Variants in PSMB7 observed in about 807,000 individuals in gnomAD.
PSMB7 encodes the protein proteasome 20S subunit beta 7.
A neutral mutation model predicts 28.1 loss-of-function variants in PSMB7; 5 were observed. The observed-to-expected ratio is 0.18, with a 90% CI of 0.09 to 0.37. The LOEUF (loss-of-function observed/expected upper bound fraction) is 0.37, where lower values mean the gene tolerates loss of function less well. Ranked by LOEUF, PSMB7 falls within the 10% of genes least tolerant of loss-of-function variation. The pLI is 1.00. For synonymous variants in PSMB7, 122 were observed against 123.7 expected (o/e 0.99, Z 0.09); for missense variants, 275 against 346.2 (o/e 0.79, Z 1.63).
intron 5 of PSMB7, among the ~76,000 whole-genome samples, chr9:124,397,764 C>CCA (rs1236704133): frequency 6.6e-6 from 1 of 152,218 alleles, no homozygotes; most frequent in African/African-American, 2.4e-5. Context: ...AGCCTTGATT[C>CCA]CACAGTGAAT....
intron 2 of PSMB7, 130 bp from the exon 3 acceptor site, chr9:124,414,135 A>C: frequency 5.2e-5 from 30 of 575,506 alleles, no homozygotes; most frequent in Middle Eastern, 4.5e-4. Flanking sequence ...GCCAAAACTC[A>C]TAGCAAAAAT....
chr9:124,414,347 TTTTAAAACATGTTGCTTTTC>T (rs1325753280), intron 2 of PSMB7, among the ~76,000 whole-genome samples: 4 of 152,214 alleles, frequency 2.6e-5, no homozygotes, highest in Admixed American at 2.6e-4. Flanking sequence ...ATCAATTTCC[TTTTAAAACATGTTGCTTTTC>T]TTTAAAACAT....
chr9:124,370,924 T>C (rs10986326), intron 6 of PSMB7, among the ~76,000 whole-genome samples: 10,339 of 152,320 alleles, frequency 0.068, 969 homozygotes, highest in East Asian at 0.46. Flanking sequence ...GAAAAATCTT[T>C]GCTAAAATTC....
chr9:124,411,675 G>C (rs1831028855), intron 4 of PSMB7, among the ~76,000 whole-genome samples: 1 of 152,170 alleles, frequency 6.6e-6, no homozygotes, highest in Non-Finnish European at 1.5e-5. Flanking sequence ...ATTATTAAAG[G>C]AGAAAGAGAA....
chr9:124,368,831 T>G (rs1830533875), intron 6 of PSMB7, among the ~76,000 whole-genome samples: 1 of 152,172 alleles, frequency 6.6e-6, no homozygotes, highest in South Asian at 2.1e-4. Context: ...CTTCAGGCCA[T>G]TTCATGAGAG....
intron 6 of PSMB7, among the ~76,000 whole-genome samples, chr9:124,365,525 A>G (rs780921231): frequency 1.3e-5 from 2 of 152,244 alleles, no homozygotes; most frequent in African/African-American, 2.4e-5. Flanking sequence ...AGCAGCAGGA[A>G]GACACAAAAA....
chr9:124,384,516 G>T (rs1256694587), intron 6 of PSMB7, 82 bp downstream of exon 6: 2 of 1,298,028 alleles, frequency 1.5e-6, no homozygotes, highest in Non-Finnish European at 2.2e-6. Context: ...AGCTCGGGAG[G>T]AATCAGCAAT....
In PSMB7 at chr9:124,414,011, A is replaced by T. The variant is rs79494574; in HGVS notation, c.157-6T>A. ...GCTCCAAGAACTATGCCATCCTATTAAAAAAAAAAGTTTTTAAACAATTTT... is the reference window on the plus strand; with the variant it reads ...GCTCCAAGAACTATGCCATCCTATTTAAAAAAAAAGTTTTTAAACAATTTT... On this transcript the variant is annotated splice_region_variant and splice_polypyrimidine_tract_variant and intron_variant, in intron 2 of 7. Transcript: ENST00000259457. The T allele has an allele frequency of 3.7e-6, 5 of 1,344,626 alleles. No individual in the cohort carries two copies. Among genetic ancestry groups the T allele is most frequent in the East Asian group, 2.6e-5 (1 of 38,840 alleles). 83.3% of individuals were successfully genotyped at this position (1,344,626 alleles called of 1,614,324 possible). A position where few individuals can be genotyped will look rare whatever the true frequency, so the allele number is the denominator to read the frequency against.
chr9:124,361,203 G>A (rs373706119), intron 6 of PSMB7, among the ~76,000 whole-genome samples: 1 of 152,198 alleles, frequency 6.6e-6, no homozygotes, highest in African/African-American at 2.4e-5. Flanking sequence ...TCTTAAATGA[G>A]ATTACAATAA....
chr9:124,372,635 A>C (rs1487578483), intron 6 of PSMB7, among the ~76,000 whole-genome samples: 2 of 152,210 alleles, frequency 1.3e-5, no homozygotes, highest in South Asian at 2.1e-4. Context: ...ACACTTTCTA[A>C]AATTTCCTTC....
At chr9:124,403,886 ATTTTT>A (rs35168987) in intron 5 of PSMB7, among the ~76,000 whole-genome samples, 1 of 138,238 alleles carries the variant, frequency 7.2e-6, no homozygotes, top group Non-Finnish European at 1.6e-5. Flanking sequence ...CTGTCCTGAC[ATTTTT>A]TTTTTTTTTT....
At chr9:124,406,758 C>A (rs1240326709) in intron 4 of PSMB7, among the ~76,000 whole-genome samples, 1 of 152,236 alleles carries the variant, frequency 6.6e-6, no homozygotes, top group South Asian at 2.1e-4. Context: ...CCACCCACAC[C>A]ATCTCCACTT....
At chr9:124,360,175 CT>C (rs1310248536) in intron 6 of PSMB7, among the ~76,000 whole-genome samples, 1 of 152,230 alleles carries the variant, frequency 6.6e-6, no homozygotes. Context: ...AATTAAACAA[CT>C]TTTGTCTTTA....
intron 5 of PSMB7, among the ~76,000 whole-genome samples, chr9:124,396,602 T>A (rs1220791971): frequency 6.6e-6 from 1 of 152,216 alleles, no homozygotes; most frequent in Admixed American, 6.5e-5. Context: ...ACCCCAAGTC[T>A]TTCCTAATGG....
chr9:124,387,931 T>G (rs1302320030), intron 5 of PSMB7, among the ~76,000 whole-genome samples: 2 of 152,104 alleles, frequency 1.3e-5, no homozygotes, highest in African/African-American at 4.8e-5. Flanking sequence ...CAGTATTCTT[T>G]AAAGATAATT....
Position 124,394,520 on chromosome 9 carries a change from C to T in PSMB7, c.512-9864G>A, listed in dbSNP as rs538510903. ...AAAAGTGCTCTGGCAAGGGCTTTTA[C>T]TTGGTTGTAGGCTGAGGACAATTCA... On this transcript the variant is annotated intron_variant, in intron 5 of 7. Transcript: ENST00000259457. Among the ~76,000 whole-genome samples the T allele has an allele frequency of 5.3e-5, 8 of 152,176 alleles. No individual in the cohort carries two copies. In the East Asian group the frequency reaches 1.5e-3, roughly 29 times the overall value.
chr9:124,355,261 C>A (rs755793178), intron 7 of PSMB7, among the ~76,000 whole-genome samples: 2 of 152,244 alleles, frequency 1.3e-5, no homozygotes, highest in Non-Finnish European at 2.9e-5. Context: ...CTTGCTGATT[C>A]TTCCCAAGCA....
intron 6 of PSMB7, among the ~76,000 whole-genome samples, chr9:124,357,246 T>G (rs1311599502): frequency 6.6e-6 from 1 of 152,078 alleles, no homozygotes; most frequent in Non-Finnish European, 1.5e-5. Flanking sequence ...TGGCCAAAAG[T>G]CTCTACCACA....
intron 6 of PSMB7, among the ~76,000 whole-genome samples, chr9:124,380,379 A>G (rs917232005): frequency 6.6e-6 from 1 of 152,074 alleles, no homozygotes; most frequent in African/African-American, 2.4e-5. Context: ...ATCTCTACTA[A>G]AATTCAAAAA....
Sources: gnomAD v4.1 joint callset for allele counts (sites outside exome capture counted in the v4.1 genomes callset) on GRCh38, gnomAD v4.1.1 for gene constraint, MANE v1.5 for transcripts, NCBI Gene and HGNC (gene_info 2026-07-23, HGNC 2026-07-21) for gene names.